RALYL: variants seen among roughly 807,000 people sequenced by gnomAD.
RALYL encodes RNA-binding Raly-like protein.
In RALYL, 29 loss-of-function variants were observed where a neutral mutation model predicts 35.1. That is an observed-to-expected ratio of 0.83 (90% CI 0.61 to 1.13). The LOEUF is 1.13. Ranked by LOEUF, RALYL falls within the 50% of genes most tolerant of loss-of-function variation. RALYL has a pLI of 0.00. For missense variants in RALYL, 359 were observed against 360.4 expected (o/e 1.00, Z 0.03); for synonymous variants, 120 against 127.6 (o/e 0.94, Z 0.40).
chr8:84,774,735 A>G (rs896471334), intron 3 of RALYL, 81 bp downstream of exon 3: 12 of 845,936 alleles, frequency 1.4e-5, no homozygotes, highest in Admixed American at 5.0e-5. Context: ...CTTGTAAGGC[A>G]TCCACTATTT....
At chr8:84,295,814 T>C (rs1839647712) in intron 1 of RALYL, among the ~76,000 whole-genome samples, 1 of 152,174 alleles carries the variant, frequency 6.6e-6, no homozygotes, top group Non-Finnish European at 1.5e-5. Flanking sequence ...TTTCCTAGTA[T>C]TATTCTCTAC....
chr8:84,607,989 A>C (rs1817528114), intron 2 of RALYL, among the ~76,000 whole-genome samples: 2 of 151,886 alleles, frequency 1.3e-5, no homozygotes, highest in African/African-American at 4.8e-5. Context: ...GTTTCTGAGT[A>C]CTCAGTCAAT....
chr8:84,209,125 C>CAAAAAAA (rs60246316), intron 1 of RALYL, among the ~76,000 whole-genome samples: 109 of 97,490 alleles, frequency 1.1e-3, no homozygotes, highest in Non-Finnish European at 1.5e-3. Flanking sequence ...ACTCCTCCAC[C>CAAAAAAA]AAAAAAAAAA....
Position 84,225,575 on chromosome 8 carries a change from G to A in RALYL, c.-24+41151G>A, listed in dbSNP as rs117370153. Among the ~76,000 whole-genome samples the A allele has an allele frequency of 1.7e-3, 256 of 152,164 alleles. 1 individual carries two copies. Among genetic ancestry groups the A allele is most frequent in the Middle Eastern group, 3.4e-3 (1 of 294 alleles). ...AGCTTTATTTGTGCCCAGAATATTG[G>A]CTATTTCTCTCTCTGCATGAAATTT... On this transcript the variant is annotated intron_variant, in intron 1 of 8. Transcript: ENST00000521268.
chr8:84,566,682 A>T (rs2061805865), intron 2 of RALYL, among the ~76,000 whole-genome samples: 1 of 151,640 alleles, frequency 6.6e-6, no homozygotes, highest in Admixed American at 6.6e-5. Context: ...GAAGGAATAG[A>T]ATCAGACACT....
chr8:84,605,277 C>T (rs1816857914), intron 2 of RALYL, among the ~76,000 whole-genome samples: 1 of 152,102 alleles, frequency 6.6e-6, no homozygotes, highest in African/African-American at 2.4e-5. Context: ...AGCCTCAGGC[C>T]TGAGTACCTC....
chr8:84,827,476 A>G (rs1829963508), intron 4 of RALYL, among the ~76,000 whole-genome samples: 1 of 152,128 alleles, frequency 6.6e-6, no homozygotes, highest in African/African-American at 2.4e-5. Context: ...ATGCCTTTAA[A>G]TGTCTTTTGA....
intron 1 of RALYL, among the ~76,000 whole-genome samples, chr8:84,280,469 T>C (rs1311052229): frequency 3.9e-5 from 6 of 152,142 alleles, no homozygotes; most frequent in Non-Finnish European, 8.8e-5. Flanking sequence ...TTTTATTTTA[T>C]TTACAAAGTT....
chr8:84,313,570 C>A (rs1401967728), intron 1 of RALYL, among the ~76,000 whole-genome samples: 1 of 152,138 alleles, frequency 6.6e-6, no homozygotes, highest in Non-Finnish European at 1.5e-5. Context: ...TTGGAAATTT[C>A]TTCTGCGAGA....
At chr8:84,311,490 T>G (rs181288997) in intron 1 of RALYL, among the ~76,000 whole-genome samples, 1 of 152,298 alleles carries the variant, frequency 6.6e-6, no homozygotes. Context: ...GAAGACTCAT[T>G]TTTTACTATG....
chr8:84,783,828 G>A (rs911688024), intron 3 of RALYL, among the ~76,000 whole-genome samples: 13 of 152,260 alleles, frequency 8.5e-5, no homozygotes, highest in Non-Finnish European at 1.8e-4. Flanking sequence ...ATTTTCAATA[G>A]GGAGAATTAA....
intron 1 of RALYL, among the ~76,000 whole-genome samples, chr8:84,339,409 AGCATGAATCCTATTGTAGGTTGT>A (rs1848378828): frequency 6.6e-6 from 1 of 151,778 alleles, no homozygotes; most frequent in African/African-American, 2.4e-5. Flanking sequence ...TTCTCATAGG[AGCATGAATCCTATTGTAGGTTGT>A]GCACTCCTTA....
At chr8:84,905,372 G>A (rs571908624) in intron 8 of RALYL, among the ~76,000 whole-genome samples, 1 of 152,250 alleles carries the variant, frequency 6.6e-6, no homozygotes, top group South Asian at 2.1e-4. Context: ...GAATAGTGCT[G>A]TAATGAGTGT....
At chr8:84,413,903 T>A (rs1226359680) in intron 1 of RALYL, among the ~76,000 whole-genome samples, 1 of 152,110 alleles carries the variant, frequency 6.6e-6, no homozygotes, top group East Asian at 1.9e-4. Context: ...TATAATTTAT[T>A]ACTTTGAACC....
intron 1 of RALYL, among the ~76,000 whole-genome samples, chr8:84,347,008 G>A (rs530757423): frequency 1.8e-3 from 277 of 152,058 alleles, no homozygotes; most frequent in African/African-American, 6.4e-3. Context: ...GACCTGCCCG[G>A]CCAATGTGGT....
chr8:84,464,464 C>G (rs2051265761), intron 1 of RALYL, among the ~76,000 whole-genome samples: 1 of 151,292 alleles, frequency 6.6e-6, no homozygotes, highest in African/African-American at 2.4e-5. Context: ...CTACAAAGGA[C>G]ATGAACTCAT....
intron 1 of RALYL, among the ~76,000 whole-genome samples, chr8:84,212,792 G>T (rs561096323): frequency 3.9e-5 from 6 of 152,106 alleles, no homozygotes; most frequent in Admixed American, 3.9e-4. Context: ...ATTCTCTTAG[G>T]CATGCTTTTC....
At chr8:84,550,667 T>G (rs1266397122) in intron 2 of RALYL, among the ~76,000 whole-genome samples, 1 of 151,814 alleles carries the variant, frequency 6.6e-6, no homozygotes, top group Non-Finnish European at 1.5e-5. Flanking sequence ...AGAAATATGT[T>G]TGTCCTTTAG....
intron 1 of RALYL, among the ~76,000 whole-genome samples, chr8:84,294,153 A>C (rs1264432599): frequency 2.0e-5 from 3 of 152,138 alleles, no homozygotes; most frequent in Non-Finnish European, 4.4e-5. Flanking sequence ...CCTGGTTAAA[A>C]AAAGTACATA....
Sources: gnomAD v4.1 joint callset for allele counts (sites outside exome capture counted in the v4.1 genomes callset) on GRCh38, gnomAD v4.1.1 for gene constraint, MANE v1.5 for transcripts, NCBI Gene and HGNC (gene_info 2026-07-23, HGNC 2026-07-21) for gene names.